Variants in NPSR1 observed in about 807,000 individuals in gnomAD.
The protein encoded by NPSR1 is neuropeptide S receptor.
NPSR1 carries 48 observed loss-of-function variants against 46.9 expected under a neutral mutation model. The observed-to-expected ratio is 1.02, with a 90% CI of 0.81 to 1.30. The LOEUF (loss-of-function observed/expected upper bound fraction) is 1.30, where lower values mean the gene tolerates loss of function less well. Ranked by LOEUF, NPSR1 falls within the 50% of genes most tolerant of loss-of-function variation. The pLI is 0.00. For synonymous variants in NPSR1, 176 were observed against 168.1 expected, an observed-to-expected ratio of 1.05 and a Z score of -0.36; for missense variants, 450 against 449.5, an observed-to-expected ratio of 1.00 and a Z score of -0.01.
At chr7:34,842,466 T>G (rs1286050881) in intron 6 of NPSR1, among the ~76,000 whole-genome samples, 3 of 152,198 alleles carry the variant, frequency 2.0e-5, no homozygotes, top group African/African-American at 2.4e-5. Flanking sequence ...GTAGCACACA[T>G]GCACACACAA....
At chr7:34,742,191 G>A (rs547600434) in intron 2 of NPSR1, among the ~76,000 whole-genome samples, 58 of 149,172 alleles carry the variant, frequency 3.9e-4, no homozygotes, top group Admixed American at 8.0e-4. Context: ...TTTAGGTTTG[G>A]GGGTGCATGT....
At chr7:34,804,277 T>C (rs1252158010) in intron 3 of NPSR1, among the ~76,000 whole-genome samples, 2 of 152,094 alleles carry the variant, frequency 1.3e-5, no homozygotes, top group Non-Finnish European at 2.9e-5. Flanking sequence ...ATTAGCAACT[T>C]AAATTTTTGT....
At chr7:34,808,619 G>C (rs17199395) in intron 3 of NPSR1, among the ~76,000 whole-genome samples, 18,796 of 151,954 alleles carry the variant, frequency 0.12, 1,454 homozygotes, top group Non-Finnish European at 0.17. Flanking sequence ...CCCTCTTCTT[G>C]AATTCTTAAT....
At chr7:34,825,034 C>T (rs1562757180) in intron 4 of NPSR1, among the ~76,000 whole-genome samples, 1 of 152,316 alleles carries the variant, frequency 6.6e-6, no homozygotes, top group South Asian at 2.1e-4. Flanking sequence ...AGGCTCCCTC[C>T]ACCTCCTGCC....
chr7:34,778,741 T>C (rs1002267594), intron 3 of NPSR1, among the ~76,000 whole-genome samples, 176 bp downstream of exon 3: 6 of 152,174 alleles, frequency 3.9e-5, no homozygotes, highest in African/African-American at 1.4e-4. Context: ...CTAAAAATAG[T>C]ATCTATATAA....
chr7:34,762,138 A>C (rs540104386), intron 2 of NPSR1, among the ~76,000 whole-genome samples: 7 of 152,304 alleles, frequency 4.6e-5, no homozygotes, highest in South Asian at 2.1e-4. Context: ...GGAGAAAGGG[A>C]GACACTAGCG....
intron 2 of NPSR1, among the ~76,000 whole-genome samples, chr7:34,721,403 C>A (rs138743079): frequency 6.6e-6 from 1 of 152,058 alleles, no homozygotes; most frequent in African/African-American, 2.4e-5. Flanking sequence ...TAATAAAAGA[C>A]GGAGGAGGAG....
At chr7:34,671,353 ATATT>A (rs1792047403) in intron 1 of NPSR1, among the ~76,000 whole-genome samples, 1 of 152,190 alleles carries the variant, frequency 6.6e-6, no homozygotes, top group African/African-American at 2.4e-5. Flanking sequence ...AGCACATATT[ATATT>A]TATTATTCTA....
At position 34,746,212 on chromosome 7, in the gene NPSR1, T is replaced by C. The variant is rs1785196571; in HGVS notation, c.281-32250T>C. 1.3e-5 allele frequency among the ~76,000 whole-genome samples: 2 copies of C among 152,170 alleles called. 1 individual carries two copies. The highest frequency in any genetic ancestry group is 4.1e-4 in the South Asian group (2 of 4,832). Reference sequence around the variant, plus strand: ...AGCTTAATTTTCTCTGCAATTCTGATCAAAAAAGATTGTAAGCAATGAAAG... The same window carrying C: ...AGCTTAATTTTCTCTGCAATTCTGACCAAAAAAGATTGTAAGCAATGAAAG... On this transcript the variant is annotated intron_variant, in intron 2 of 8. Transcript: ENST00000360581.
intron 1 of NPSR1, among the ~76,000 whole-genome samples, chr7:34,675,292 C>CTCCCTT (rs1407212279): frequency 6.6e-6 from 1 of 152,170 alleles, no homozygotes; most frequent in Non-Finnish European, 1.5e-5. Flanking sequence ...ATGTGATTCA[C>CTCCCTT]TCAAATTATT....
chr7:34,819,621 T>C (rs538977297), intron 4 of NPSR1, among the ~76,000 whole-genome samples: 61 of 152,316 alleles, frequency 4.0e-4, no homozygotes, highest in African/African-American at 1.4e-3. Flanking sequence ...CACACGTATG[T>C]TTATTGCTAT....
exon 9 of NPSR1, chr7:34,878,118 C>G (rs1275063249): frequency 1.9e-5 from 30 of 1,611,126 alleles, no homozygotes; most frequent in Non-Finnish European, 2.5e-5. Context: ...CGCTAATGCT[C>G]TGCCCTCAAC....
At chr7:34,754,554 C>G (rs1263917472) in intron 2 of NPSR1, among the ~76,000 whole-genome samples, 2 of 152,058 alleles carry the variant, frequency 1.3e-5, no homozygotes, top group African/African-American at 4.8e-5. Flanking sequence ...CTCTTCCCCC[C>G]ACCAAGAGTA....
At chr7:34,715,378 C>A (rs889662015) in intron 2 of NPSR1, among the ~76,000 whole-genome samples, 1 of 152,156 alleles carries the variant, frequency 6.6e-6, no homozygotes, top group East Asian at 1.9e-4. Context: ...GTAGCCCAAG[C>A]GGCAAAACAT....
At chr7:34,751,710 G>A (rs1785542806) in intron 2 of NPSR1, 3 of 1,585,618 alleles carry the variant, frequency 1.9e-6, no homozygotes, top group Non-Finnish European at 2.6e-6. Flanking sequence ...GGAGCATTGT[G>A]GGAGACTCCT....
At chr7:34,714,824 G>T (rs971943039) in intron 2 of NPSR1, among the ~76,000 whole-genome samples, 1 of 152,158 alleles carries the variant, frequency 6.6e-6, no homozygotes, top group African/African-American at 2.4e-5. Flanking sequence ...TAGATACCAG[G>T]AATCAAATGA....
intron 2 of NPSR1, among the ~76,000 whole-genome samples, chr7:34,714,488 G>A (rs1783463770): frequency 6.6e-6 from 1 of 152,200 alleles, no homozygotes; most frequent in Admixed American, 6.5e-5. Flanking sequence ...TTAAGAATAA[G>A]TCAATCCAAT....
chr7:34,769,649 T>C (rs1786585105), intron 2 of NPSR1, among the ~76,000 whole-genome samples: 1 of 152,224 alleles, frequency 6.6e-6, no homozygotes, highest in Non-Finnish European at 1.5e-5. Flanking sequence ...TCTGCATTCC[T>C]TTCTCACCTG....
chr7:34,808,316 G>C lies in NPSR1; in HGVS notation c.385-3454G>C, dbSNP rs112115416. ...TAAGCCATAAAGTTTGTAGTAGTTT[G>C]TTACAGCCACCATAGGAAACTAATT... is the stretch of plus-strand genomic sequence containing the variant. On this transcript the variant is annotated intron_variant, in intron 3 of 8. Transcript: ENST00000360581. 1.2e-3 allele frequency among the ~76,000 whole-genome samples: 181 copies of C among 152,238 alleles called. 1 individual carries two copies. The highest frequency in any genetic ancestry group is 4.2e-3 in the African/African-American group (175 of 41,538).
Sources: gnomAD v4.1 joint callset for allele counts (sites outside exome capture counted in the v4.1 genomes callset) on GRCh38, gnomAD v4.1.1 for gene constraint, MANE v1.5 for transcripts, NCBI Gene and HGNC (gene_info 2026-07-23, HGNC 2026-07-21) for gene names.